Variants in TIAM2 observed in about 807,000 individuals in gnomAD.
The protein encoded by TIAM2 is rho guanine nucleotide exchange factor TIAM2.
In TIAM2, 80 loss-of-function variants were observed where a neutral mutation model predicts 152.9. The ratio of observed to expected loss-of-function variants is 0.52; its 90% confidence interval spans 0.44 to 0.63. The LOEUF (loss-of-function observed/expected upper bound fraction) is 0.63. Ranked by LOEUF, TIAM2 falls within the 30% of genes least tolerant of loss-of-function variation. The pLI is 0.00. For synonymous variants in TIAM2, 804 were observed against 838.0 expected, an observed-to-expected ratio of 0.96 and a Z score of 0.70; for missense variants, 1,965 against 2,120.1, an observed-to-expected ratio of 0.93 and a Z score of 1.44.
intron 1 of TIAM2, among the ~76,000 whole-genome samples, chr6:155,002,279 C>T (rs182950196): frequency 9.9e-4 from 151 of 152,218 alleles, no homozygotes; most frequent in African/African-American, 3.4e-3. Flanking sequence ...GGCATAGTGG[C>T]ATATGCCTGT....
rs116735982 is a variant in TIAM2 at position 155,249,935 on chromosome 6, A to C, written c.3917A>C (p.Gln1306Pro). 1.9e-6 allele frequency: 3 copies of C among 1,614,134 alleles called. No individual in the cohort carries two copies. The highest frequency in any genetic ancestry group is 1.1e-5 in the South Asian group (1 of 91,072). The stretch of plus-strand genomic sequence containing the variant: ...GAGGATTATGGGACCGTGTTTGACC[A>C]GCTAGTAGCTGAGCAGAGCGGAACA... ...IYEDYGTVFD[Q>P]LVAEQSGTEK... The change falls in exon 21 of 27, where the codon CAG becomes CCG. Residue 1306 changes from glutamine to proline, a missense_variant. Around this residue, in one of 3 missense-constraint regions of TIAM2, gnomAD observed 935 missense variants for 980.0 expected, o/e 0.95. Transcript: ENST00000682666.
At chr6:155,077,066 ACT>A (rs778115157) in intron 1 of TIAM2, among the ~76,000 whole-genome samples, 59 of 152,152 alleles carry the variant, frequency 3.9e-4, no homozygotes, top group Non-Finnish European at 1.3e-4. Flanking sequence ...ATTTGTCATA[ACT>A]CATGCTAATT....
In TIAM2 at chr6:155,250,964, T is replaced by C; in HGVS notation, c.4003T>C (p.Leu1335=). 1 of 1,614,204 alleles carries C rather than the reference T, an allele frequency of 6.2e-7. No homozygotes were observed. Among genetic ancestry groups the C allele is most frequent in the Non-Finnish European group, 8.5e-7 (1 of 1,180,024 alleles). ...TCTGATGCACTCTACGGTTTCCTGGTTGAATCCATTTCTGTCTCTAGGAAA... is the reference window on the plus strand; with the variant it reads ...TCTGATGCACTCTACGGTTTCCTGGCTGAATCCATTTCTGTCTCTAGGAAA... ...ELLMHSTVSW[L]NPFLSLGKAR... is the part of the protein sequence containing the mutation. Residue 1335 remains leucine (L), a synonymous_variant, in exon 22 of 27, where the codon TTG becomes CTG. Coordinates refer to ENST00000682666, the MANE Select transcript of TIAM2 (RefSeq NM_012454.4).
chr6:155,125,239 C>T (rs1317483187), intron 2 of TIAM2, among the ~76,000 whole-genome samples: 2 of 151,954 alleles, frequency 1.3e-5, no homozygotes, highest in African/African-American at 4.8e-5. Context: ...CCGCTGCACT[C>T]CAGCCTGGGT....
chr6:155,168,406 G>A (rs1780496226), intron 9 of TIAM2, among the ~76,000 whole-genome samples: 1 of 152,064 alleles, frequency 6.6e-6, no homozygotes, highest in African/African-American at 2.4e-5. Flanking sequence ...TGCCCAGGCT[G>A]CAGTGCAGTG....
Position 155,257,392 on chromosome 6 carries a change from C to G in TIAM2, c.*271C>G, listed in dbSNP as rs1441421951. 1 of 407,596 alleles carries G rather than the reference C, an allele frequency of 2.5e-6. No homozygotes were observed. Among genetic ancestry groups the G allele is most frequent in the Non-Finnish European group, 4.3e-6 (1 of 230,628 alleles). 25.2% of individuals were successfully genotyped at this position (407,596 alleles called of 1,614,324 possible). On this transcript the variant is annotated 3_prime_UTR_variant, in exon 27 of 27. Coordinates refer to ENST00000682666, the MANE Select transcript of TIAM2 (RefSeq NM_012454.4). Reference sequence around the variant, plus strand: ...GATTTAGGATCCTTAAAATTACATTCTAATAATTAAGTTATGTGGAAAAAG... The same window carrying G: ...GATTTAGGATCCTTAAAATTACATTGTAATAATTAAGTTATGTGGAAAAAG...
chr6:155,178,919 C>A, intron 10 of TIAM2, 120 bp from the exon 11 acceptor site: 1 of 819,330 alleles, frequency 1.2e-6, no homozygotes, highest in Non-Finnish European at 1.9e-6. Flanking sequence ...GGTTTAAATT[C>A]AGCAAATTAT....
chr6:155,206,287 G>A (rs561142216), intron 14 of TIAM2, among the ~76,000 whole-genome samples: 4 of 152,210 alleles, frequency 2.6e-5, no homozygotes, highest in South Asian at 2.1e-4. Flanking sequence ...TCGCTCTGTC[G>A]CCCAGGCTGG....
intron 1 of TIAM2, among the ~76,000 whole-genome samples, chr6:155,057,286 G>A (rs1205032504): frequency 1.3e-5 from 2 of 150,992 alleles, no homozygotes; most frequent in Non-Finnish European, 2.9e-5. Context: ...CGATTTGCCC[G>A]CCTCAGCCTC....
chr6:155,144,015 CT>C (rs1337492768), intron 5 of TIAM2, among the ~76,000 whole-genome samples: 1 of 152,134 alleles, frequency 6.6e-6, no homozygotes, highest in Non-Finnish European at 1.5e-5. Context: ...ATGTAAAGTG[CT>C]GGATGATTAC....
chr6:155,232,906 C>T (rs868324270), intron 15 of TIAM2: 4 of 152,330 alleles, frequency 2.6e-5, no homozygotes, highest in Admixed American at 2.0e-4. Flanking sequence ...TGTCCTTCAT[C>T]CTTGTTTCTG....
intron 2 of TIAM2, among the ~76,000 whole-genome samples, chr6:155,117,187 T>TA (rs1228827760): frequency 6.6e-6 from 1 of 152,096 alleles, no homozygotes; most frequent in Non-Finnish European, 1.5e-5. Context: ...TTCTGTAATT[T>TA]AAAAAATTAA....
At position 155,229,481 on chromosome 6, in the gene TIAM2, A is replaced by G. The variant is rs138891378; in HGVS notation, c.3169-11049A>G. Among the ~76,000 whole-genome samples the G allele has an allele frequency of 3.7e-3, 571 of 152,362 alleles. 1 individual carries two copies. Among genetic ancestry groups the G allele is most frequent in the African/African-American group, 0.013 (552 of 41,590 alleles). On this transcript the variant is annotated intron_variant, in intron 15 of 26. Coordinates refer to ENST00000682666, the MANE Select transcript of TIAM2 (RefSeq NM_012454.4). The stretch of plus-strand genomic sequence containing the variant: ...CTTTAAATGTGACCCCTGCTTTTAT[A>G]GGCAAGTAAACTAAGTCATGGAGCA...
chr6:155,016,497 TGG>T, intron 1 of TIAM2: 1 of 58,308 alleles, frequency 1.7e-5, no homozygotes, highest in Non-Finnish European at 3.7e-5. Context: ...TAAATGTAAA[TGG>T]TATTTACATT....
chr6:155,018,212 T>C (rs527838337), intron 1 of TIAM2, among the ~76,000 whole-genome samples: 1 of 141,706 alleles, frequency 7.1e-6, no homozygotes, highest in East Asian at 2.1e-4. Flanking sequence ...CACTCCAGCC[T>C]GGGCAACAGA....
In TIAM2 at chr6:155,137,329, T is replaced by C. The variant is rs773340588; in HGVS notation, c.1347T>C (p.Ile449=). 1.2e-6 allele frequency: 2 copies of C among 1,614,230 alleles called. No individual in the cohort carries two copies. The highest frequency in any genetic ancestry group is 1.7e-5 in the Admixed American group (1 of 60,028). Residue 449 remains isoleucine, a synonymous_variant, in exon 5 of 27, where the codon ATT becomes ATC. Transcript: ENST00000682666. ...LSQRSESTHA[I]GSDPLRQNIY... is the part of the protein sequence containing the mutation. ...AGAGAAGTGAATCCACACATGCGAT[T>C]GGCAGCGATCCCCTCCGGCAGAACA...
chr6:155,104,033 C>CAT (rs1778610189), intron 2 of TIAM2, among the ~76,000 whole-genome samples: 1 of 108,156 alleles, frequency 9.2e-6, no homozygotes, highest in Non-Finnish European at 1.9e-5. Context: ...TTACCTCACA[C>CAT]ACACACACCC....
rs145961545 is a variant in TIAM2, at chr6:155,256,893, A to T, written c.4878A>T (p.Lys1626Asn). 20 of 1,614,074 alleles carry T rather than the reference A, an allele frequency of 1.2e-5. No individual in the cohort carries two copies. The highest frequency in any genetic ancestry group is 1.6e-5 in the Non-Finnish European group (19 of 1,180,036). ...GEGQKGGEQP[K>N]LVRGHFCPIK... ...GTCAGAAAGGAGGAGAGCAGCCCAA[A>T]CTGGTCCGGGGGCACTTCTGCCCCA... The change falls in exon 27 of 27, where the codon AAA (lysine) becomes AAT (asparagine). Residue 1626 changes from lysine (K) to asparagine (N), a missense_variant. Physicochemically the swap from Lys to Asn is moderately conservative, Grantham distance 94 (BLOSUM62 0). Around this residue, in one of 3 missense-constraint regions of TIAM2, gnomAD observed 935 missense variants for 980.0 expected, o/e 0.95. Coordinates refer to ENST00000682666, the MANE Select transcript of TIAM2 (RefSeq NM_012454.4).
intron 1 of TIAM2, among the ~76,000 whole-genome samples, chr6:155,073,415 G>C (rs1453265064): frequency 6.6e-6 from 1 of 151,942 alleles, no homozygotes; most frequent in Non-Finnish European, 1.5e-5. Flanking sequence ...CACCCGCCTC[G>C]GCCTCCCAAA....
Sources: gnomAD v4.1 joint callset for allele counts (sites outside exome capture counted in the v4.1 genomes callset) on GRCh38, gnomAD v4.1.1 for gene constraint, gnomAD v4.1.1 regional missense constraint, MANE v1.5 for transcripts, NCBI Gene and HGNC (gene_info 2026-07-23, HGNC 2026-07-21) for gene names.